Variants in TSPAN15 observed in about 807,000 individuals in gnomAD.
The protein encoded by TSPAN15 is tetraspanin-15.
Under a neutral mutation model 34.5 loss-of-function variants are expected in TSPAN15, and 20 were observed. The ratio of observed to expected loss-of-function variants is 0.58; its 90% CI spans 0.41 to 0.84. The LOEUF (loss-of-function observed/expected upper bound fraction) is 0.84, where lower values mean the gene tolerates loss of function less well. Ranked by LOEUF, TSPAN15 falls within the 40% of genes least tolerant of loss-of-function variation. The pLI, the probability that TSPAN15 is intolerant of heterozygous loss-of-function variation, is 0.00. For synonymous variants in TSPAN15, 155 were observed against 153.9 expected (o/e 1.01, Z -0.05); for missense variants, 313 against 386.1 (o/e 0.81, Z 1.59).
the TSPAN15 span, among the ~76,000 whole-genome samples, chr10:69,548,261 C>A: frequency 6.6e-6 from 1 of 152,182 alleles, no homozygotes; most frequent in Non-Finnish European, 1.5e-5. Context: ...GGTGTTGTAG[C>A]TAGATGATCA....
At chr10:69,481,213 C>T (rs1320493409) in intron 1 of TSPAN15, among the ~76,000 whole-genome samples, 1 of 152,206 alleles carries the variant, frequency 6.6e-6, no homozygotes. Flanking sequence ...GTGTGTCCTG[C>T]CTTCTAAGGC....
intron 1 of TSPAN15, among the ~76,000 whole-genome samples, chr10:69,459,785 GCTCT>G (rs983049843): frequency 1.4e-5 from 2 of 147,174 alleles, no homozygotes; most frequent in African/African-American, 5.0e-5. Context: ...TAAAGGACCA[GCTCT>G]CTGAGCCTCC....
intron 1 of TSPAN15, among the ~76,000 whole-genome samples, chr10:69,476,423 G>A (rs12252722): frequency 0.062 from 9,424 of 152,088 alleles, 1,013 homozygotes; most frequent in African/African-American, 0.22. Flanking sequence ...TGGGCATGGC[G>A]GTTCACACCT....
chr10:69,480,075 G>C (rs1035668485), intron 1 of TSPAN15, among the ~76,000 whole-genome samples: 2 of 152,198 alleles, frequency 1.3e-5, no homozygotes, highest in Non-Finnish European at 2.9e-5. Flanking sequence ...TGCCAGCAAG[G>C]GTGTTCTGGA....
chr10:69,515,853 C>G, the TSPAN15 span, among the ~76,000 whole-genome samples: 1 of 152,232 alleles, frequency 6.6e-6, no homozygotes, highest in African/African-American at 2.4e-5. Flanking sequence ...AGCCAGCACT[C>G]AGCAACTCCA....
chr10:69,451,761 G>C, intron 1 of TSPAN15, 71 bp downstream of exon 1: 1 of 1,286,666 alleles, frequency 7.8e-7, no homozygotes, highest in South Asian at 1.8e-5. Context: ...CACTGGCCCG[G>C]GGTTGGGTCC....
chr10:69,487,375 C>T lies in TSPAN15; in HGVS notation c.357+2160C>T. 1.3e-5 allele frequency among the ~76,000 whole-genome samples: 2 copies of T among 151,582 alleles called. 1 individual carries two copies. Among genetic ancestry groups the T allele is most frequent in the East Asian group, 3.9e-4 (2 of 5,108 alleles). On this transcript the variant is annotated intron_variant, in intron 3 of 7. Transcript: ENST00000373290. ...TCCCAGTCCTGACTTGCTACCTGCC[C>T]CTCCCTGTCCCTCTTTTCTATTTGT...
the TSPAN15 span, among the ~76,000 whole-genome samples, chr10:69,529,727 C>T: frequency 6.8e-6 from 1 of 147,136 alleles, no homozygotes; most frequent in African/African-American, 2.5e-5. Flanking sequence ...TTTTGGGGAA[C>T]AGGTGGTTTT....
At chr10:69,473,789 A>G (rs1213837722) in intron 1 of TSPAN15, among the ~76,000 whole-genome samples, 2 of 151,970 alleles carry the variant, frequency 1.3e-5, no homozygotes, top group South Asian at 2.1e-4. Flanking sequence ...GACTGGGGCC[A>G]TTTATCTTCA....
chr10:69,483,222 TCGTGATCTGCC>T lies in TSPAN15; in HGVS notation c.97-466_97-456del, dbSNP rs1841776134. On this transcript the variant is annotated intron_variant, in intron 1 of 7. Coordinates refer to ENST00000373290, the MANE Select transcript of TSPAN15 (RefSeq NM_012339.5). ...CCATGATGGTCTCGATCTCCTGGCCTCGTGATCTGCCCGCCTCGGCCTCCCAAAGTGCTGGG... is the reference window on the plus strand; with the variant it reads ...CCATGATGGTCTCGATCTCCTGGCCTCGCCTCGGCCTCCCAAAGTGCTGGG... Among the ~76,000 whole-genome samples, 4 of 152,220 alleles carry T rather than the reference TCGTGATCTGCC, an allele frequency of 2.6e-5. No individual in the cohort carries two copies. The South Asian group carries it at 8.3e-4, about 32-fold the overall frequency.
At chr10:69,494,688 C>T in intron 3 of TSPAN15, 1 of 985,426 alleles carries the variant, frequency 1.0e-6, no homozygotes, top group Non-Finnish European at 1.2e-6. Flanking sequence ...ATCCTGTTGT[C>T]CCAGCGTACG....
At chr10:69,494,920 A>G in intron 3 of TSPAN15, 9 of 961,170 alleles carry the variant, frequency 9.4e-6, no homozygotes, top group Non-Finnish European at 1.1e-5. Context: ...TTGATCCAGA[A>G]AGCGCAGCGT....
chr10:69,545,271 TC>T, the TSPAN15 span, among the ~76,000 whole-genome samples: 1 of 152,110 alleles, frequency 6.6e-6, no homozygotes, highest in East Asian at 1.9e-4. Flanking sequence ...CTCCACCCAC[TC>T]AGATTTGTGT....
chr10:69,498,240 G>A (rs761599857), intron 4 of TSPAN15, 40 bp from the exon 5 acceptor site: 1 of 1,585,338 alleles, frequency 6.3e-7, no homozygotes, highest in Non-Finnish European at 8.7e-7. Flanking sequence ...CAGGGCCTGG[G>A]CGATGACGGC....
At chr10:69,480,918 G>A (rs1305118684) in intron 1 of TSPAN15, among the ~76,000 whole-genome samples, 2 of 152,090 alleles carry the variant, frequency 1.3e-5, no homozygotes, top group Non-Finnish European at 2.9e-5. Flanking sequence ...GGCTGCTCTC[G>A]AACTCTTGAC....
intron 1 of TSPAN15, among the ~76,000 whole-genome samples, chr10:69,457,766 AC>A (rs1841146278): frequency 6.6e-6 from 1 of 152,184 alleles, no homozygotes; most frequent in African/African-American, 2.4e-5. Context: ...CCTAGACATA[AC>A]TTCCATGCAC....
At chr10:69,500,054 CTGGCTGTTGTGAG>C in intron 5 of TSPAN15, among the ~76,000 whole-genome samples, 1 of 152,250 alleles carries the variant, frequency 6.6e-6, no homozygotes, top group East Asian at 1.9e-4. Context: ...AAGAATCAGT[CTGGCTGTTGTGAG>C]GGACATGCTA....
At chr10:69,531,241 A>G in the TSPAN15 span, among the ~76,000 whole-genome samples, 2 of 147,700 alleles carry the variant, frequency 1.4e-5, no homozygotes, top group Admixed American at 7.0e-5. Context: ...TGCTTTTTCT[A>G]AAAGTTCAGG....
chr10:69,532,531 A>T, the TSPAN15 span, among the ~76,000 whole-genome samples: 3 of 152,236 alleles, frequency 2.0e-5, no homozygotes, highest in Admixed American at 2.0e-4. Flanking sequence ...AAATCAACTC[A>T]AGATGGATTA....
Sources: allele counts gnomAD v4.1 joint callset (sites outside exome capture counted in the v4.1 genomes callset), GRCh38; gene constraint gnomAD v4.1.1; transcripts MANE v1.5; gene names NCBI Gene and HGNC (gene_info 2026-07-23, HGNC 2026-07-21).